Variants in UMODL1 observed in about 807,000 individuals in gnomAD.
UMODL1 encodes uromodulin-like 1.
Under a neutral mutation model 136.3 loss-of-function variants are expected in UMODL1, and 128 were observed. The ratio of observed to expected loss-of-function variants is 0.94; its 90% CI spans 0.81 to 1.09. UMODL1 has a LOEUF of 1.09. UMODL1 is among the 50% of genes least tolerant of loss of function. The pLI is 0.00. For synonymous variants in UMODL1, 721 were observed against 720.0 expected (o/e 1.00, Z -0.02); for missense variants, 1,766 against 1,725.6 (o/e 1.02, Z -0.41).
Position 42,137,528 on chromosome 21 carries a change from A to G in UMODL1, c.3865A>G (p.Thr1289Ala), listed in dbSNP as rs768823603. The change falls in exon 22 of 23, where the codon ACC becomes GCC. Residue 1289 changes from threonine to alanine, a missense_variant. Coordinates refer to ENST00000408910, the MANE Select transcript of UMODL1 (RefSeq NM_001004416.3). Reference sequence around the variant, plus strand: ...CTTCGTGCTGGTGGCGGGAACAGCCACCCTTCTGATCGTGCGCTACCAGAG... The same window carrying G: ...CTTCGTGCTGGTGGCGGGAACAGCCGCCCTTCTGATCGTGCGCTACCAGAG... ...AIFVLVAGTA[T>A]LLIVRYQRMN... 2.5e-6 allele frequency: 4 copies of G among 1,614,094 alleles called. No homozygotes were observed. Among genetic ancestry groups the G allele is most frequent in the Non-Finnish European group, 3.4e-6 (4 of 1,180,014 alleles).
At position 42,109,671 on chromosome 21, in the gene UMODL1, C is replaced by A. The variant is rs1470281808; in HGVS notation, c.1629C>A (p.Thr543=). 6 of 1,606,192 alleles carry A rather than the reference C, an allele frequency of 3.7e-6. No homozygotes were observed. The African/African-American group carries it at 8.0e-5, about 21-fold the overall frequency. The change falls in exon 10 of 23, where the codon ACC becomes ACA. Residue 543 remains threonine, a synonymous_variant. Transcript: ENST00000408910. ...AGTGCCGTACCACCAGGGACGCCAC[C>A]CCCTCCCGCGCAGGCCGGGCCTGTG... ...TCQCRTTRDA[T]PSRAGRACEG... is the part of the protein sequence containing the mutation.
chr21:42,085,506 G>A lies in UMODL1; in HGVS notation c.603+94G>A, dbSNP rs566590955. ...GGCCGTGGAAGGGACCTGGGGGTTGGGGAGGGTGATGTTCCCCAAATGGCC... is the reference window on the plus strand; with the variant it reads ...GGCCGTGGAAGGGACCTGGGGGTTGAGGAGGGTGATGTTCCCCAAATGGCC... On this transcript the variant is annotated intron_variant, in intron 4 of 22. Transcript: ENST00000408910. This position sits in a 1 kb window ranked among gnomAD's most constrained non-coding sequence, Gnocchi z 4.5. The A allele has an allele frequency of 1.7e-4, 264 of 1,585,478 alleles. 1 individual carries two copies. Among genetic ancestry groups the A allele is most frequent in the Non-Finnish European group, 2.1e-4 (246 of 1,165,642 alleles).
chr21:42,121,887 C>T (rs1356869982), intron 16 of UMODL1, among the ~76,000 whole-genome samples: 1 of 152,134 alleles, frequency 6.6e-6, no homozygotes, highest in Non-Finnish European at 1.5e-5. Flanking sequence ...GCTAAGATGG[C>T]ACCCAGCAGG....
Position 42,123,264 on chromosome 21 carries a change from G to A in UMODL1, c.3147+114G>A, listed in dbSNP as rs1415280945. ...GACTCTGCACCCCGAGGGGAACCCA[G>A]CAAGGGGGGTTCAGGACAGGGTTGA... On this transcript the variant is annotated intron_variant, in intron 17 of 22. Transcript: ENST00000408910. The surrounding 1 kb of genome is among the most constrained non-coding windows in gnomAD (Gnocchi z 4.4). 2.4e-6 allele frequency: 3 copies of A among 1,240,686 alleles called. No homozygotes were observed. The highest frequency in any genetic ancestry group is 1.5e-5 in the South Asian group (1 of 65,470). 76.9% of individuals were successfully genotyped at this position (1,240,686 alleles called of 1,614,324 possible). A position where few individuals can be genotyped will look rare whatever the true frequency, so the allele number is the denominator to read the frequency against.
At position 42,122,094 on chromosome 21, in the gene UMODL1, G is replaced by A. The variant is rs1002759985; in HGVS notation, c.2828-737G>A. ...TGGCCCAGAGACAGGAGTGAGCTGG[G>A]TGGAGCTGCAGGGTGCTGGGGCTGG... is the stretch of plus-strand genomic sequence containing the variant. On this transcript the variant is annotated intron_variant, in intron 16 of 22. Coordinates refer to ENST00000408910, the MANE Select transcript of UMODL1 (RefSeq NM_001004416.3). The surrounding 1 kb of genome is among the most constrained non-coding windows in gnomAD (Gnocchi z 4.3). 5.9e-5 allele frequency among the ~76,000 whole-genome samples: 9 copies of A among 152,186 alleles called. No individual in the cohort carries two copies. Among genetic ancestry groups the A allele is most frequent in the African/African-American group, 1.9e-4 (8 of 41,450 alleles).
At chr21:42,137,384 AT>A in intron 21 of UMODL1, 54 bp from the exon 22 acceptor site, 2 of 1,597,744 alleles carry the variant, frequency 1.3e-6, no homozygotes, top group Non-Finnish European at 1.7e-6. Context: ...GGCTTGCTCT[AT>A]CGCATTCCTC....
intron 17 of UMODL1, 89 bp from the exon 18 acceptor site, chr21:42,126,256 T>A: frequency 6.4e-7 from 1 of 1,553,364 alleles, no homozygotes; most frequent in South Asian, 1.2e-5. Flanking sequence ...AGAACCCCCA[T>A]CCCCCCAGCA....
At chr21:42,065,588 A>G in intron 1 of UMODL1, among the ~76,000 whole-genome samples, 1 of 146,766 alleles carries the variant, frequency 6.8e-6, no homozygotes, top group East Asian at 2.0e-4. Context: ...CCCTGACTGG[A>G]GTACAGTGGC....
chr21:42,080,550 GACTTTTTCA>G (rs1674197311), intron 2 of UMODL1, among the ~76,000 whole-genome samples: 2 of 152,204 alleles, frequency 1.3e-5, no homozygotes, highest in African/African-American at 4.8e-5. Flanking sequence ...GACTTTCAGT[GACTTTTTCA>G]ACTTTTTCAG....
At chr21:42,109,889 C>T (rs896736548) in intron 10 of UMODL1, among the ~76,000 whole-genome samples, 190 bp downstream of exon 10, 6 of 152,204 alleles carry the variant, frequency 3.9e-5, no homozygotes, top group African/African-American at 1.4e-4. Context: ...AGTAAATATA[C>T]ATAAAACAAT....
intron 2 of UMODL1, among the ~76,000 whole-genome samples, chr21:42,083,703 C>T (rs142055162): frequency 5.3e-5 from 8 of 152,206 alleles, no homozygotes; most frequent in African/African-American, 1.2e-4. Context: ...GCATTGTGCC[C>T]GGCACATAGC....
At chr21:42,063,696 G>A (rs2066159834) in intron 1 of UMODL1, among the ~76,000 whole-genome samples, 1 of 152,200 alleles carries the variant, frequency 6.6e-6, no homozygotes, top group East Asian at 1.9e-4. Context: ...AGGAGCTATC[G>A]TGAACATTGC....
chr21:42,066,259 T>A (rs904930286), intron 1 of UMODL1, among the ~76,000 whole-genome samples: 1 of 152,214 alleles, frequency 6.6e-6, no homozygotes, highest in African/African-American at 2.4e-5. Flanking sequence ...TTTTCTCTCC[T>A]TTTTCTCTGA....
chr21:42,121,331 T>C (rs2066969333), intron 16 of UMODL1, 107 bp downstream of exon 16: 1 of 1,415,974 alleles, frequency 7.1e-7, no homozygotes, highest in Non-Finnish European at 9.6e-7. Flanking sequence ...CATATTTTTA[T>C]GTCCTGGGGA....
intron 1 of UMODL1, among the ~76,000 whole-genome samples, chr21:42,074,657 C>A (rs2066267307): frequency 6.6e-6 from 1 of 152,140 alleles, no homozygotes; most frequent in South Asian, 2.1e-4. Context: ...ATAGGGTAAA[C>A]CTGATGCTTG....
At position 42,116,325 on chromosome 21, in the gene UMODL1, G is replaced by T. The variant is rs1407906675; in HGVS notation, c.2475+340G>T. Among the ~76,000 whole-genome samples the T allele has an allele frequency of 3.3e-5, 5 of 151,792 alleles. No homozygotes were observed. In the East Asian group the frequency reaches 9.7e-4, roughly 29 times the overall value. ...GCCGAGATCGTGCCACTGCACTCTA[G>T]CCTGGACAACAGAGTGAAACCCTGT... On this transcript the variant is annotated intron_variant, in intron 14 of 22. Transcript: ENST00000408910.
chr21:42,093,276 G>C (rs2066514298), intron 6 of UMODL1: 1 of 152,282 alleles, frequency 6.6e-6, no homozygotes, highest in South Asian at 2.1e-4. Flanking sequence ...GCAGTGGCGT[G>C]ATCGCCGGTC....
At chr21:42,134,342 T>G (rs2067174474) in intron 21 of UMODL1, among the ~76,000 whole-genome samples, 1 of 152,218 alleles carries the variant, frequency 6.6e-6, no homozygotes, top group African/African-American at 2.4e-5. Flanking sequence ...GCATATTCAG[T>G]TTTCGGAACT....
chr21:42,063,184 A>T (rs1348408001), exon 1 of UMODL1: 1 of 152,270 alleles, frequency 6.6e-6, no homozygotes, highest in African/African-American at 2.4e-5. Context: ...ATCTCATCTA[A>T]ATTACATCTG....
Sources: gnomAD v4.1 joint callset for allele counts (sites outside exome capture counted in the v4.1 genomes callset) on GRCh38, gnomAD v4.1.1 for gene constraint, Gnocchi (gnomAD v3.1) non-coding constraint, MANE v1.5 for transcripts, NCBI Gene and HGNC (gene_info 2026-07-23, HGNC 2026-07-21) for gene names.